TRPC1: variants seen among roughly 807,000 people sequenced by gnomAD.
TRPC1 encodes the protein transient receptor potential cation channel subfamily C member 1.
Under a neutral mutation model 88.2 loss-of-function variants are expected in TRPC1, and 42 were observed. That is an observed-to-expected ratio of 0.48 (90% CI 0.37 to 0.62). The LOEUF (loss-of-function observed/expected upper bound fraction) is 0.62. Ranked by LOEUF, TRPC1 falls within the 20% of genes least tolerant of loss-of-function variation. The pLI is 0.00. For missense variants in TRPC1, 699 were observed against 957.3 expected (o/e 0.73, Z 3.56); for synonymous variants, 288 against 331.8 (o/e 0.87, Z 1.43).
rs192175186 is a variant in TRPC1, at chr3:142,763,904, A to T, written c.633-13728A>T. 1.2e-3 allele frequency among the ~76,000 whole-genome samples: 165 copies of T among 136,218 alleles called. 4 individuals carry two copies. The East Asian group carries it at 0.036, about 30-fold the overall frequency. 89.4% of individuals were successfully genotyped at this position (136,218 alleles called of 152,430 possible). ...GCAAAAAACATCTTATAAATATAAC[A>T]AATTATTGCAGTCCAGCCTGGGCAA... On this transcript the variant is annotated intron_variant, in intron 4 of 12. Coordinates refer to ENST00000476941, the MANE Select transcript of TRPC1 (RefSeq NM_001251845.2).
intron 9 of TRPC1, chr3:142,801,367 A>G (rs1024659769): frequency 4.6e-5 from 7 of 152,130 alleles, no homozygotes; most frequent in Non-Finnish European, 8.8e-5. Flanking sequence ...ATCCTTGTAT[A>G]TACATGCATC....
chr3:142,797,231 C>A (rs1227171782), intron 9 of TRPC1, among the ~76,000 whole-genome samples: 1 of 147,660 alleles, frequency 6.8e-6, no homozygotes, highest in African/African-American at 2.5e-5. Context: ...AAATATTAAT[C>A]CCTTTTCTTC....
intron 4 of TRPC1, among the ~76,000 whole-genome samples, chr3:142,762,157 C>T (rs1452710120): frequency 1.3e-5 from 2 of 151,736 alleles, no homozygotes; most frequent in African/African-American, 2.4e-5. Context: ...CACCTCAGCC[C>T]TTCAAGTAGC....
Position 142,804,226 on chromosome 3 carries a change from A to C in TRPC1, c.1959+48A>C, listed in dbSNP as rs1321133785. ...TTTATATTCTCCTCAGACCATACTA[A>C]GTGCATACAATAGATAAGATAGCCA... On this transcript the variant is annotated intron_variant, in intron 11 of 12. Coordinates refer to ENST00000476941, the MANE Select transcript of TRPC1 (RefSeq NM_001251845.2). 3.2e-6 allele frequency: 5 copies of C among 1,559,078 alleles called. No homozygotes were observed. In the Admixed American group the frequency reaches 5.0e-5, roughly 16 times the overall value.
chr3:142,726,462 G>A (rs1463662795), intron 1 of TRPC1, among the ~76,000 whole-genome samples: 1 of 152,052 alleles, frequency 6.6e-6, no homozygotes. Context: ...TAACATAATT[G>A]AGATGAGAGA....
intron 1 of TRPC1, among the ~76,000 whole-genome samples, chr3:142,732,899 G>C (rs1933978365): frequency 6.6e-6 from 1 of 150,770 alleles, no homozygotes; most frequent in Non-Finnish European, 1.5e-5. Context: ...GCTACTTGCT[G>C]TCTATTTTAA....
chr3:142,799,201 G>A (rs1052925665), intron 9 of TRPC1, among the ~76,000 whole-genome samples: 1 of 151,954 alleles, frequency 6.6e-6, no homozygotes, highest in Non-Finnish European at 1.5e-5. Flanking sequence ...TTTCCTCTGT[G>A]TGTACTAGTA....
intron 4 of TRPC1, among the ~76,000 whole-genome samples, chr3:142,764,686 T>G (rs1935323254): frequency 6.6e-6 from 1 of 152,174 alleles, no homozygotes; most frequent in African/African-American, 2.4e-5. Flanking sequence ...TAGCTGATTT[T>G]AGGGTATTCT....
At chr3:142,740,237 A>AT (rs1934297359) in intron 2 of TRPC1, among the ~76,000 whole-genome samples, 1 of 152,246 alleles carries the variant, frequency 6.6e-6, no homozygotes, top group Non-Finnish European at 1.5e-5. Context: ...ATTGAAAAGG[A>AT]GTCCAGGATG....
chr3:142,779,346 C>T (rs1350728784), intron 5 of TRPC1, among the ~76,000 whole-genome samples: 1 of 152,126 alleles, frequency 6.6e-6, no homozygotes, highest in African/African-American at 2.4e-5. Context: ...TCCATCTAAA[C>T]TATACAGCCA....
chr3:142,772,531 C>T (rs551543614), intron 4 of TRPC1, among the ~76,000 whole-genome samples: 117 of 152,296 alleles, frequency 7.7e-4, no homozygotes, highest in African/African-American at 2.8e-3. Context: ...CGCCGTGGCT[C>T]ACTCTTGTAA....
At position 142,804,163 on chromosome 3, in the gene TRPC1, C is replaced by T; in HGVS notation, c.1944C>T (p.Ser648=). ...TGCTGGTGGCAATGCTTCATAAAAG[C>T]TTTCAGTTGATAGCAGTAAGTTCAT... is the stretch of plus-strand genomic sequence containing the variant. ...TKLLVAMLHK[S]FQLIANHEDK... The change falls in exon 11 of 13, where the codon AGC becomes AGT. Residue 648 remains serine (S), a synonymous_variant. Coordinates refer to ENST00000476941, the MANE Select transcript of TRPC1 (RefSeq NM_001251845.2). 1 of 1,613,786 alleles carries T rather than the reference C, an allele frequency of 6.2e-7. No individual in the cohort carries two copies. Among genetic ancestry groups the T allele is most frequent in the Non-Finnish European group, 8.5e-7 (1 of 1,179,836 alleles).
chr3:142,793,897 C>T (rs991221454), intron 9 of TRPC1: 8 of 985,120 alleles, frequency 8.1e-6, no homozygotes, highest in Non-Finnish European at 8.4e-6. Context: ...GTGCTGTCAT[C>T]CAGCAACAGT....
chr3:142,761,161 G>T (rs997121979), intron 4 of TRPC1, among the ~76,000 whole-genome samples: 2 of 152,074 alleles, frequency 1.3e-5, no homozygotes, highest in African/African-American at 4.8e-5. Flanking sequence ...TCATCATCTT[G>T]TTCCAGTCTT....
chr3:142,781,050 T>G, intron 6 of TRPC1, 21 bp downstream of exon 6: 1 of 1,575,450 alleles, frequency 6.3e-7, no homozygotes, highest in Non-Finnish European at 8.6e-7. Flanking sequence ...TTCTGTAATA[T>G]ATTTAAATTA....
chr3:142,792,435 C>T lies in TRPC1; in HGVS notation c.1438-389C>T, dbSNP rs1179936472. Among the ~76,000 whole-genome samples, 1 of 151,794 alleles carries T rather than the reference C, an allele frequency of 6.6e-6. No individual in the cohort carries two copies. Among genetic ancestry groups the T allele is most frequent in the East Asian group, 1.9e-4 (1 of 5,178 alleles). On this transcript the variant is annotated intron_variant, in intron 8 of 12. Transcript: ENST00000476941. The surrounding 1 kb of genome is among the most constrained non-coding windows in gnomAD (Gnocchi z 4.0). Reference sequence around the variant, plus strand: ...AAGGGGGGAAAAAAACTCTGAATTCCAAGTCAAAGCAGTAGGTTAATGTAA... The same window carrying T: ...AAGGGGGGAAAAAAACTCTGAATTCTAAGTCAAAGCAGTAGGTTAATGTAA...
At chr3:142,787,051 A>C (rs997844349) in intron 7 of TRPC1, among the ~76,000 whole-genome samples, 1 of 152,218 alleles carries the variant, frequency 6.6e-6, no homozygotes, top group Non-Finnish European at 1.5e-5. Flanking sequence ...GTTTTCAATG[A>C]TATTACACGT....
intron 4 of TRPC1, among the ~76,000 whole-genome samples, chr3:142,763,959 A>AAT (rs1159520441): frequency 0.061 from 4,635 of 76,256 alleles, 275 homozygotes; most frequent in Admixed American, 0.11. Context: ...AAAAAAAAGA[A>AAT]ATATATATAT....
chr3:142,772,147 T>C (rs1212879405), intron 4 of TRPC1, among the ~76,000 whole-genome samples: 1 of 152,180 alleles, frequency 6.6e-6, no homozygotes, highest in African/African-American at 2.4e-5. Flanking sequence ...TGTGGGTCTC[T>C]TTGCATTTAT....
Sources: allele counts gnomAD v4.1 joint callset (sites outside exome capture counted in the v4.1 genomes callset), GRCh38; gene constraint gnomAD v4.1.1; non-coding constraint Gnocchi (gnomAD v3.1); transcripts MANE v1.5; gene names NCBI Gene and HGNC (gene_info 2026-07-23, HGNC 2026-07-21).